SDK1: variants seen among roughly 807,000 people sequenced by gnomAD.
SDK1 encodes the protein sidekick cell adhesion molecule 1, also known as protein sidekick-1.
In SDK1, 157 loss-of-function variants were observed where a neutral mutation model predicts 245.5. The ratio of observed to expected loss-of-function variants is 0.64; its 90% CI spans 0.56 to 0.73. SDK1 has a LOEUF of 0.73. Among genes scored for constraint, SDK1 ranks in the 30% least tolerant of loss-of-function variants. The probability of loss-of-function intolerance (pLI) is 0.00; values close to 1 mark genes in which losing one functional copy is unlikely to be tolerated. For synonymous variants in SDK1, 1,647 were observed against 1,278.5 expected, an observed-to-expected ratio of 1.29 and a Z score of -6.15; for missense variants, 3,583 against 3,002.3, an observed-to-expected ratio of 1.19 and a Z score of -4.52.
chr7:4,025,045 C>G (rs1330439418), intron 17 of SDK1, among the ~76,000 whole-genome samples: 1 of 143,062 alleles, frequency 7.0e-6, no homozygotes, highest in Non-Finnish European at 1.5e-5. Flanking sequence ...CACACACACA[C>G]ACACAAACAG....
At position 4,026,522 on chromosome 7, in the gene SDK1, AC is replaced by A. The variant is rs574233099; in HGVS notation, c.2602+9174del. Among the ~76,000 whole-genome samples the A allele has an allele frequency of 5.9e-5, 9 of 152,166 alleles. No homozygotes were observed. In the East Asian group the frequency reaches 1.5e-3, roughly 26 times the overall value. ...GGCTCTCCCCACGTGCTGTGCCCCC[AC>A]CCCAGCCCAAACACTGGCCCCAAAT... On this transcript the variant is annotated intron_variant, in intron 17 of 44. Transcript: ENST00000404826. The surrounding 1 kb of genome is among the most constrained non-coding windows in gnomAD (Gnocchi z 4.1).
chr7:3,678,132 C>A (rs994395651), intron 4 of SDK1, among the ~76,000 whole-genome samples: 1 of 152,174 alleles, frequency 6.6e-6, no homozygotes, highest in Admixed American at 6.5e-5. Context: ...AGAAAATTAA[C>A]AAGTGTTGGT....
In SDK1 at chr7:3,605,155, C is replaced by CACACACACACACACACAG. The variant is rs1225942790; in HGVS notation, c.299-13915_299-13914insACACACAGACACACACAC. ...AAAAAAAAAACAAGAAACACACACA[C>CACACACACACACACACAG]ACACACACACTAGGTGTGATGTCTA... On this transcript the variant is annotated intron_variant, in intron 1 of 44. Transcript: ENST00000404826. Among the ~76,000 whole-genome samples, 30 of 151,360 alleles carry CACACACACACACACACAG rather than the reference C, an allele frequency of 2.0e-4. No individual in the cohort carries two copies. In the East Asian group the frequency reaches 5.8e-3, roughly 29 times the overall value.
At chr7:4,250,869 G>A (rs569447077) in intron 44 of SDK1, among the ~76,000 whole-genome samples, 1 of 152,060 alleles carries the variant, frequency 6.6e-6, no homozygotes, top group Non-Finnish European at 1.5e-5. Flanking sequence ...TTCAGTTTTT[G>A]CAATCATCCC....
At chr7:4,142,170 A>G (rs2128205307) in intron 28 of SDK1, among the ~76,000 whole-genome samples, 1 of 152,288 alleles carries the variant, frequency 6.6e-6, no homozygotes, top group East Asian at 1.9e-4. Context: ...CCCTACGCAT[A>G]CATACATGAG....
At chr7:3,864,021 A>G (rs1780760136) in intron 5 of SDK1, among the ~76,000 whole-genome samples, 2 of 152,236 alleles carry the variant, frequency 1.3e-5, no homozygotes, top group Non-Finnish European at 2.9e-5. Flanking sequence ...GTTTTCCACA[A>G]TGATCACAGT....
intron 5 of SDK1, among the ~76,000 whole-genome samples, chr7:3,861,628 A>G (rs1780694065): frequency 6.6e-6 from 1 of 152,218 alleles, no homozygotes; most frequent in Non-Finnish European, 1.5e-5. Flanking sequence ...CTTGGTGCTC[A>G]TTCAAAACCT....
chr7:4,241,384 C>T (rs542009135), intron 42 of SDK1, among the ~76,000 whole-genome samples: 1 of 152,258 alleles, frequency 6.6e-6, no homozygotes, highest in East Asian at 1.9e-4. Context: ...CTTGCCATCC[C>T]AGCACTTTGA....
At chr7:3,607,830 G>A (rs760864900) in intron 1 of SDK1, among the ~76,000 whole-genome samples, 1 of 152,216 alleles carries the variant, frequency 6.6e-6, no homozygotes, top group Non-Finnish European at 1.5e-5. Context: ...TGCTTTTCTA[G>A]CAGGTGCTGG....
chr7:3,657,446 A>G (rs1468591263), intron 4 of SDK1, among the ~76,000 whole-genome samples: 1 of 152,184 alleles, frequency 6.6e-6, no homozygotes, highest in East Asian at 1.9e-4. Flanking sequence ...CTGTCTGGAA[A>G]TTCAGGGTCC....
Position 4,045,157 on chromosome 7 carries a change from G to C in SDK1, c.2603-4191G>C, listed in dbSNP as rs115291008. Among the ~76,000 whole-genome samples the C allele has an allele frequency of 8.1e-3, 1,236 of 152,260 alleles. 16 individuals carry two copies. The highest frequency in any genetic ancestry group is 0.03 in the South Asian group (147 of 4,826). ...CCATTCCATAGACACACTACAGTTTGTTTCCCATCCATTGGTTTAAAAACA... is the reference window on the plus strand; with the variant it reads ...CCATTCCATAGACACACTACAGTTTCTTTCCCATCCATTGGTTTAAAAACA... On this transcript the variant is annotated intron_variant, in intron 17 of 44. Coordinates refer to ENST00000404826, the MANE Select transcript of SDK1 (RefSeq NM_152744.4).
intron 36 of SDK1, among the ~76,000 whole-genome samples, chr7:4,207,513 GC>G (rs1473973275): frequency 6.6e-6 from 1 of 152,206 alleles, no homozygotes; most frequent in Non-Finnish European, 1.5e-5. Flanking sequence ...GCAGCCCTGA[GC>G]CCAACATAGT....
At position 3,827,407 on chromosome 7, in the gene SDK1, T is replaced by A. The variant is rs1440007206; in HGVS notation, c.847+5824T>A. On this transcript the variant is annotated intron_variant, in intron 5 of 44. Transcript: ENST00000404826. ...AGGCTCGTGTCTTACTCATCCTGAA[T>A]CTTTAACATGGGCAATTATCTGAGG... 2.0e-5 allele frequency among the ~76,000 whole-genome samples: 3 copies of A among 151,826 alleles called. No homozygotes were observed. In the East Asian group the frequency reaches 5.8e-4, roughly 29 times the overall value.
At chr7:4,135,309 G>A (rs974708853) in intron 28 of SDK1, among the ~76,000 whole-genome samples, 3 of 152,188 alleles carry the variant, frequency 2.0e-5, no homozygotes, top group Admixed American at 6.5e-5. Flanking sequence ...GCCAGGAGCG[G>A]GAGTTTGTGC....
intron 26 of SDK1, 64 bp from the exon 27 acceptor site, chr7:4,129,844 A>G: frequency 6.2e-7 from 1 of 1,600,216 alleles, no homozygotes; most frequent in South Asian, 1.1e-5. Context: ...GGCCTGCCCC[A>G]TGCCACGGCG....
intron 5 of SDK1, among the ~76,000 whole-genome samples, chr7:3,913,316 T>C (rs1261136958): frequency 5.3e-4 from 78 of 146,348 alleles, no homozygotes; most frequent in African/African-American, 1.5e-3. Flanking sequence ...TTTTTTGAGA[T>C]GGAGTCTCGC....
intron 4 of SDK1, among the ~76,000 whole-genome samples, chr7:3,712,703 G>T (rs1286515872): frequency 1.3e-5 from 2 of 152,168 alleles, no homozygotes; most frequent in African/African-American, 4.8e-5. Context: ...GACATTTACT[G>T]GGCAGTAGTT....
chr7:3,806,957 A>C (rs772322634), intron 4 of SDK1, among the ~76,000 whole-genome samples: 5 of 152,040 alleles, frequency 3.3e-5, no homozygotes, highest in Non-Finnish European at 5.9e-5. Context: ...AATGTTTTCA[A>C]TTTACTCAGA....
At position 3,904,988 on chromosome 7, in the gene SDK1, G is replaced by A. The variant is rs533391707; in HGVS notation, c.848-45935G>A. Among the ~76,000 whole-genome samples, 73 of 122,974 alleles carry A rather than the reference G, an allele frequency of 5.9e-4. 1 individual carries two copies. The East Asian group carries it at 0.013, about 22-fold the overall frequency. The allele number at this position is 122,974 out of a possible 152,430, so 80.7% of individuals were successfully genotyped here. A position where few individuals can be genotyped will look rare whatever the true frequency, so the allele number is the denominator to read the frequency against. ...AGCCTGGGTGACAGAGCGAGACTCC[G>A]TCTCAAAAAAAAAAAAAAAAATAAT... On this transcript the variant is annotated intron_variant, in intron 5 of 44. Transcript: ENST00000404826.
Sources: gnomAD v4.1 joint callset for allele counts (sites outside exome capture counted in the v4.1 genomes callset) on GRCh38, gnomAD v4.1.1 for gene constraint, Gnocchi (gnomAD v3.1) non-coding constraint, MANE v1.5 for transcripts, NCBI Gene and HGNC (gene_info 2026-07-23, HGNC 2026-07-21) for gene names.